CFAP299: variants seen among roughly 807,000 people sequenced by gnomAD.
CFAP299 encodes the protein cilia- and flagella-associated protein 299.
Under a neutral mutation model 27.0 loss-of-function variants are expected in CFAP299, and 21 were observed. The observed-to-expected ratio is 0.78, with a 90% CI of 0.55 to 1.12. The LOEUF (loss-of-function observed/expected upper bound fraction) is 1.12, where lower values mean the gene tolerates loss of function less well. Ranked by LOEUF, CFAP299 falls within the 50% of genes most tolerant of loss-of-function variation. The pLI is 0.00. For synonymous variants in CFAP299, 104 were observed against 98.1 expected (o/e 1.06, Z -0.36); for missense variants, 310 against 276.6 (o/e 1.12, Z -0.86).
chr4:80,446,739 C>T (rs1430332949), intron 2 of CFAP299, among the ~76,000 whole-genome samples: 2 of 152,152 alleles, frequency 1.3e-5, no homozygotes, highest in Non-Finnish European at 2.9e-5. Context: ...CATTTCTCAC[C>T]TGGTAGCATT....
intron 2 of CFAP299, among the ~76,000 whole-genome samples, chr4:80,500,220 G>A (rs1301506714): frequency 6.6e-6 from 1 of 152,048 alleles, no homozygotes; most frequent in Non-Finnish European, 1.5e-5. Context: ...CTTGGCAACT[G>A]TAAGAAGAAA....
intron 4 of CFAP299, among the ~76,000 whole-genome samples, chr4:80,900,136 G>GTGTGTGTGTGTT (rs1176957814): frequency 6.7e-6 from 1 of 150,000 alleles, no homozygotes; most frequent in African/African-American, 2.4e-5. Context: ...GTGTGTGTGT[G>GTGTGTGTGTGTT]TGTGTGTGTG....
chr4:80,581,134 CTG>C (rs1279545986), intron 2 of CFAP299, among the ~76,000 whole-genome samples: 1 of 151,620 alleles, frequency 6.6e-6, no homozygotes, highest in African/African-American at 2.4e-5. Flanking sequence ...TTCCAACAGA[CTG>C]TGGTTTTTAA....
rs191937532 is a variant in CFAP299, at chr4:80,595,248, A to G, written c.333+12065A>G. ...CAAGATTGGTTTCCTTCTTGTATGC[A>G]GCCTCCTCCCTCCCAAAGATAGCAC... On this transcript the variant is annotated intron_variant, in intron 3 of 5. Coordinates refer to ENST00000358105, the MANE Select transcript of CFAP299 (RefSeq NM_152770.3). Among the ~76,000 whole-genome samples, 448 of 152,118 alleles carry G rather than the reference A, an allele frequency of 2.9e-3. 2 individuals carry two copies. Among genetic ancestry groups the G allele is most frequent in the Non-Finnish European group, 5.1e-3 (344 of 68,014 alleles).
At chr4:80,672,897 C>T (rs1484664494) in intron 3 of CFAP299, among the ~76,000 whole-genome samples, 4 of 148,554 alleles carry the variant, frequency 2.7e-5, no homozygotes, top group African/African-American at 9.8e-5. Context: ...TCTCTCTTTT[C>T]TTCTTTATTA....
intron 3 of CFAP299, among the ~76,000 whole-genome samples, chr4:80,810,081 C>G (rs1007374245): frequency 6.6e-5 from 10 of 151,966 alleles, no homozygotes; most frequent in Non-Finnish European, 1.3e-4. Flanking sequence ...AATTGAATAG[C>G]TATTTTTAGT....
intron 3 of CFAP299, among the ~76,000 whole-genome samples, chr4:80,776,755 AAAAT>A (rs1417845316): frequency 6.6e-6 from 1 of 152,126 alleles, no homozygotes; most frequent in Non-Finnish European, 1.5e-5. Flanking sequence ...AGTAAAATAA[AAAAT>A]AAATAAAGCA....
At chr4:80,916,296 T>TATATATATATC (rs1578236267) in intron 4 of CFAP299, among the ~76,000 whole-genome samples, 1 of 130,678 alleles carries the variant, frequency 7.7e-6, no homozygotes, top group Non-Finnish European at 1.6e-5. Flanking sequence ...TATATATATA[T>TATATATATATC]TTCAGGTACA....
chr4:80,798,000 C>T (rs1198683191), intron 3 of CFAP299, among the ~76,000 whole-genome samples: 3 of 152,130 alleles, frequency 2.0e-5, no homozygotes, highest in Non-Finnish European at 4.4e-5. Flanking sequence ...GGGCCCAAAT[C>T]AGTAAATTCA....
intron 4 of CFAP299, among the ~76,000 whole-genome samples, chr4:80,925,433 C>G (rs886540120): frequency 6.6e-6 from 1 of 151,972 alleles, no homozygotes; most frequent in African/African-American, 2.4e-5. Flanking sequence ...TTCTGTCACA[C>G]TGACCAAGAG....
chr4:80,882,124 TCAATATAC>T (rs973605170), intron 4 of CFAP299, among the ~76,000 whole-genome samples: 2 of 152,030 alleles, frequency 1.3e-5, no homozygotes, highest in Non-Finnish European at 2.9e-5. Context: ...GCCAAGAGAA[TCAATATAC>T]GTGTTATGGA....
At chr4:80,390,610 C>CATATATGTAT (rs1416961189) in intron 2 of CFAP299, among the ~76,000 whole-genome samples, 11 of 28,682 alleles carry the variant, frequency 3.8e-4, no homozygotes, top group African/African-American at 1.2e-3. Context: ...TGTATACACA[C>CATATATGTAT]ATATGTATAT....
chr4:80,618,249 AT>A (rs1266684764), intron 3 of CFAP299, among the ~76,000 whole-genome samples: 1 of 152,166 alleles, frequency 6.6e-6, no homozygotes, highest in Non-Finnish European at 1.5e-5. Context: ...ACTTCTTAGA[AT>A]TAAGAGGTAA....
chr4:80,650,490 C>T (rs1410122956), intron 3 of CFAP299, among the ~76,000 whole-genome samples: 1 of 151,984 alleles, frequency 6.6e-6, no homozygotes, highest in Non-Finnish European at 1.5e-5. Context: ...CAAATGTTAT[C>T]CTATTTGATG....
intron 2 of CFAP299, among the ~76,000 whole-genome samples, chr4:80,463,587 G>A (rs1049688805): frequency 6.6e-5 from 10 of 152,064 alleles, no homozygotes; most frequent in Admixed American, 4.6e-4. Context: ...GTTAGGGTTC[G>A]TTTTTGGTGA....
intron 5 of CFAP299, among the ~76,000 whole-genome samples, chr4:80,955,020 A>G: frequency 7.4e-6 from 1 of 134,640 alleles, no homozygotes; most frequent in East Asian, 2.0e-4. Flanking sequence ...AAAAAAAAAA[A>G]AAAAAAAAAA....
intron 4 of CFAP299, among the ~76,000 whole-genome samples, chr4:80,907,675 CACTT>C (rs754902462): frequency 1.2e-4 from 18 of 152,276 alleles, no homozygotes; most frequent in African/African-American, 2.4e-4. Context: ...TGTGAGAACT[CACTT>C]ACTATCACAA....
intron 3 of CFAP299, among the ~76,000 whole-genome samples, chr4:80,651,086 A>G (rs1332086889): frequency 6.6e-6 from 1 of 152,050 alleles, no homozygotes; most frequent in Non-Finnish European, 1.5e-5. Context: ...TATTTTTGTA[A>G]ATTTTATATT....
chr4:80,460,308 A>G (rs1031966117), intron 2 of CFAP299, among the ~76,000 whole-genome samples: 1 of 152,180 alleles, frequency 6.6e-6, no homozygotes, highest in Admixed American at 6.6e-5. Context: ...TTATTTCACC[A>G]ATGCAGATTT....
Sources: allele counts gnomAD v4.1 joint callset (sites outside exome capture counted in the v4.1 genomes callset), GRCh38; gene constraint gnomAD v4.1.1; transcripts MANE v1.5; gene names NCBI Gene and HGNC (gene_info 2026-07-23, HGNC 2026-07-21).